FHIT: variants seen among roughly 807,000 people sequenced by gnomAD.
The protein encoded by FHIT is fragile histidine triad diadenosine triphosphatase.
Under a neutral mutation model 17.9 loss-of-function variants are expected in FHIT, and 19 were observed. That is an observed-to-expected ratio of 1.06 (90% CI 0.74 to 1.56). The LOEUF (loss-of-function observed/expected upper bound fraction) is 1.56. FHIT is among the 40% of genes most tolerant of loss of function. The pLI, the probability that FHIT is intolerant of heterozygous loss-of-function variation, is 0.00. For synonymous variants in FHIT, 81 were observed against 69.7 expected (o/e 1.16, Z -0.81); for missense variants, 248 against 189.2 (o/e 1.31, Z -1.82).
chr3:60,148,645 G>A (rs755766313), intron 5 of FHIT, among the ~76,000 whole-genome samples: 1 of 152,234 alleles, frequency 6.6e-6, no homozygotes, highest in South Asian at 2.1e-4. Flanking sequence ...ACACCACACC[G>A]TAGTTAAAGA....
chr3:60,044,968 T>C (rs1701590990), intron 5 of FHIT, among the ~76,000 whole-genome samples: 1 of 152,106 alleles, frequency 6.6e-6, no homozygotes, highest in Admixed American at 6.5e-5. Flanking sequence ...TAAACACTGA[T>C]CAATTGAAGT....
chr3:59,988,173 G>A (rs569826359), intron 7 of FHIT, among the ~76,000 whole-genome samples: 6 of 152,168 alleles, frequency 3.9e-5, no homozygotes, highest in African/African-American at 1.2e-4. Context: ...CTCCAAAATT[G>A]AGCAAGAGAT....
At chr3:60,894,978 G>T (rs6768495) in intron 3 of FHIT, among the ~76,000 whole-genome samples, 1 of 152,064 alleles carries the variant, frequency 6.6e-6, no homozygotes, top group African/African-American at 2.4e-5. Flanking sequence ...GGACTTTAAC[G>T]TTGATAGAAT....
chr3:60,944,118 A>G (rs1393725589), intron 3 of FHIT, among the ~76,000 whole-genome samples: 4 of 152,198 alleles, frequency 2.6e-5, no homozygotes, highest in African/African-American at 9.7e-5. Flanking sequence ...TCCTCCAGTT[A>G]AATGAGGGTC....
chr3:60,054,447 A>G (rs753785391), intron 5 of FHIT, among the ~76,000 whole-genome samples: 16 of 152,190 alleles, frequency 1.1e-4, no homozygotes, highest in Admixed American at 1.0e-3. Flanking sequence ...CCTGTTGCCA[A>G]TGAAGTGGCA....
chr3:61,220,793 G>C (rs2039815445), intron 1 of FHIT, among the ~76,000 whole-genome samples: 1 of 152,108 alleles, frequency 6.6e-6, no homozygotes, highest in Admixed American at 6.5e-5. Context: ...GGTTAGTTTT[G>C]AGTTTTGTTC....
At chr3:60,531,956 G>T (rs2035802769) in intron 5 of FHIT, among the ~76,000 whole-genome samples, 2 of 152,124 alleles carry the variant, frequency 1.3e-5, no homozygotes. Context: ...TATTTCTAAT[G>T]TGTCAGCAGA....
intron 1 of FHIT, among the ~76,000 whole-genome samples, chr3:61,220,482 A>C (rs1021130643): frequency 2.0e-5 from 3 of 152,344 alleles, no homozygotes; most frequent in African/African-American, 7.2e-5. Context: ...TTTCTTACAG[A>C]ATATTTTCAG....
At chr3:60,122,816 T>C (rs929336616) in intron 5 of FHIT, among the ~76,000 whole-genome samples, 2 of 152,214 alleles carry the variant, frequency 1.3e-5, no homozygotes, top group African/African-American at 2.4e-5. Flanking sequence ...AGTTAAACTT[T>C]AAAGATTAAA....
At chr3:61,094,093 T>C (rs1351966252) in intron 2 of FHIT, among the ~76,000 whole-genome samples, 1 of 150,802 alleles carries the variant, frequency 6.6e-6, no homozygotes, top group Non-Finnish European at 1.5e-5. Context: ...ATTACACATA[T>C]GCACATATAT....
At chr3:59,832,588 T>C (rs1449315821) in intron 8 of FHIT, among the ~76,000 whole-genome samples, 1 of 152,188 alleles carries the variant, frequency 6.6e-6, no homozygotes, top group African/African-American at 2.4e-5. Context: ...ATGGCCCCGA[T>C]GAGGGCTTCT....
intron 2 of FHIT, among the ~76,000 whole-genome samples, chr3:61,156,879 CCACCTTACAATCCTCTAGAGATT>C (rs1217230415): frequency 2.0e-5 from 3 of 152,168 alleles, no homozygotes; most frequent in African/African-American, 7.2e-5. Context: ...GACCCTCTTT[CCACCTTACAATCCTCTAGAGATT>C]CTCCTGCAAA....
At chr3:61,090,151 GAT>G (rs2035435314) in intron 2 of FHIT, among the ~76,000 whole-genome samples, 1 of 152,192 alleles carries the variant, frequency 6.6e-6, no homozygotes, top group African/African-American at 2.4e-5. Flanking sequence ...AATAGTGAAT[GAT>G]AGTTTTCTTC....
At chr3:60,466,699 G>A (rs140962670) in intron 5 of FHIT, among the ~76,000 whole-genome samples, 17 of 151,914 alleles carry the variant, frequency 1.1e-4, no homozygotes, top group African/African-American at 3.9e-4. Context: ...AACCATCCTT[G>A]CGTAACTGGA....
At chr3:61,214,181 A>G (rs2039589768) in intron 1 of FHIT, among the ~76,000 whole-genome samples, 5 of 152,204 alleles carry the variant, frequency 3.3e-5, no homozygotes, top group Admixed American at 2.6e-4. Context: ...GGAAATAGAG[A>G]CACAAAAAAC....
intron 5 of FHIT, among the ~76,000 whole-genome samples, chr3:60,511,224 T>C (rs1193272655): frequency 6.6e-6 from 1 of 152,180 alleles, no homozygotes; most frequent in African/African-American, 2.4e-5. Flanking sequence ...AGAGAAAATA[T>C]GTATCGTACT....
intron 4 of FHIT, among the ~76,000 whole-genome samples, chr3:60,602,502 C>A (rs1261792631): frequency 7.1e-6 from 1 of 140,788 alleles, no homozygotes; most frequent in Non-Finnish European, 1.6e-5. Context: ...CTTCATGAAA[C>A]CTTCTTGGAG....
chr3:60,028,017 G>A (rs1006976681), intron 5 of FHIT, among the ~76,000 whole-genome samples: 5 of 152,066 alleles, frequency 3.3e-5, no homozygotes, highest in Non-Finnish European at 7.4e-5. Context: ...ATACCACCCT[G>A]TAGCTAGTAA....
chr3:59,920,197 C>T (rs1705334491), intron 8 of FHIT, among the ~76,000 whole-genome samples: 1 of 152,164 alleles, frequency 6.6e-6, no homozygotes, highest in Non-Finnish European at 1.5e-5. Flanking sequence ...TGAAATAAGC[C>T]TTTCAGGCTA....
Sources: gnomAD v4.1 joint callset for allele counts (sites outside exome capture counted in the v4.1 genomes callset) on GRCh38, gnomAD v4.1.1 for gene constraint, MANE v1.5 for transcripts, NCBI Gene and HGNC (gene_info 2026-07-23, HGNC 2026-07-21) for gene names.